NBPF19: variants seen among roughly 807,000 people sequenced by gnomAD.
The protein encoded by NBPF19 is NBPF family member NBPF19.
A neutral mutation model predicts 45.9 loss-of-function variants in NBPF19; 30 were observed. The observed-to-expected ratio is 0.65, with a 90% confidence interval of 0.49 to 0.89. The LOEUF (loss-of-function observed/expected upper bound fraction) is 0.89, where lower values mean the gene tolerates loss of function less well. Ranked by LOEUF, NBPF19 falls within the 40% of genes least tolerant of loss-of-function variation. The pLI is 0.00. For synonymous variants in NBPF19, 183 were observed against 181.2 expected, an observed-to-expected ratio of 1.01 and a Z score of -0.08; for missense variants, 495 against 471.8, an observed-to-expected ratio of 1.05 and a Z score of -0.46.
Position 149,488,136 on chromosome 1 carries a change from C to T in NBPF19, c.1164C>T (p.Ala388=), listed in dbSNP as rs1225395012. 5.9e-6 allele frequency: 4 copies of T among 678,060 alleles called. No homozygotes were observed. The highest frequency in any genetic ancestry group is 2.2e-5 in the Admixed American group (1 of 45,364). The allele number at this position is 678,060 out of a possible 1,614,324, so 42.0% of individuals were successfully genotyped here. A position where few individuals can be genotyped will look rare whatever the true frequency, so the allele number is the denominator to read the frequency against. ...LTDSCQPYRS[A]FYVLEQQRVG... is the part of the protein sequence containing the mutation. ...ACTCATGCCAGCCCTACAGAAGTGC[C>T]TTTTACGTATTGGAGCAACAGCGTG... The change falls in exon 10 of 94, where the codon GCC becomes GCT. Residue 388 remains alanine (A), a synonymous_variant. Coordinates refer to ENST00000651566, the MANE Select transcript of NBPF19 (RefSeq NM_001351365.2).
In NBPF19 at chr1:149,486,186, A is replaced by C. The variant is rs2085489901; in HGVS notation, c.881A>C (p.Tyr294Ser). 2.1e-6 allele frequency: 1 copy of C among 480,636 alleles called. No homozygotes were observed. The highest frequency in any genetic ancestry group is 3.5e-6 in the Non-Finnish European group (1 of 281,774). The allele number at this position is 480,636 out of a possible 1,614,324, so 29.8% of individuals were successfully genotyped here. The change falls in exon 8 of 94, where the codon TAT (tyrosine) becomes TCT (serine). Residue 294 changes from tyrosine to serine, a missense_variant. Coordinates refer to ENST00000651566, the MANE Select transcript of NBPF19 (RefSeq NM_001351365.2). ...CCCCAGGAGTCCTGGGATGAAGGTTATTCGACTCTCTCAATTCCTCCTGAA... is the reference window on the plus strand; with the variant it reads ...CCCCAGGAGTCCTGGGATGAAGGTTCTTCGACTCTCTCAATTCCTCCTGAA... ...EVPQESWDEGYSTLSIPPEML... is the reference protein window; with the variant it reads ...EVPQESWDEGSSTLSIPPEML...
intron 10 of NBPF19, 87 bp downstream of exon 10, chr1:149,488,272 T>G (rs2085738431): frequency 1.8e-6 from 1 of 568,218 alleles, no homozygotes; most frequent in Middle Eastern, 4.7e-4. Flanking sequence ...CTTACTGAGC[T>G]GAGAGATGTC....
Position 149,487,346 on chromosome 1 carries a change from C to G in NBPF19, c.1003C>G (p.Gln335Glu), listed in dbSNP as rs1487074770. ...TTTATTTGCAGGACATCGCTGGGATCAAGTGAAAAAGGAGGACCAAGAGGC... is the reference window on the plus strand; with the variant it reads ...TTTATTTGCAGGACATCGCTGGGATGAAGTGAAAAAGGAGGACCAAGAGGC... ...AVDIGRHRWD[Q>E]VKKEDQEATG... Residue 335 changes from glutamine (Q) to glutamate (E), a missense_variant, in exon 9 of 94, where the codon CAA becomes GAA. Coordinates refer to ENST00000651566, the MANE Select transcript of NBPF19 (RefSeq NM_001351365.2). The G allele has an allele frequency of 7.0e-6, 11 of 1,564,234 alleles. No homozygotes were observed. The African/African-American group carries it at 1.2e-4, about 17-fold the overall frequency.
rs1332446326 is a variant in NBPF19 at position 149,487,955 on chromosome 1, G to C, written c.1041-58G>C. The C allele has an allele frequency of 4.0e-5, 28 of 699,980 alleles. 1 individual carries two copies. The highest frequency in any genetic ancestry group is 7.9e-6 in the Non-Finnish European group (3 of 378,606). The allele number at this position is 699,980 out of a possible 1,614,324, so 43.4% of individuals were successfully genotyped here. On this transcript the variant is annotated intron_variant, in intron 9 of 93. Transcript: ENST00000651566. ...TTATGTTAGCCATGAAATCTAGCTG[G>C]GGCTGTGTGGTTTCTGATTCCCCCT...
rs2085490704 is a variant in NBPF19 at position 149,486,253 on chromosome 1, A to G, written c.948A>G (p.Ser316=). The G allele has an allele frequency of 1.8e-6, 1 of 564,592 alleles. No individual in the cohort carries two copies. 35.0% of individuals were successfully genotyped at this position (564,592 alleles called of 1,614,324 possible). ...AGTCTTACAGCAGCACATTTCACTC[A>G]TTAGAGGAACAGCAAGTCTGCATGG... The part of the protein sequence containing the change: ...SYQSYSSTFH[S]LEEQQVCMAV... Residue 316 remains serine (S), a synonymous_variant, in exon 8 of 94, where the codon TCA becomes TCG. Transcript: ENST00000651566.
intron 93 of NBPF19, among the ~76,000 whole-genome samples, chr1:149,554,275 C>G (rs1455224931): frequency 4.0e-5 from 6 of 151,898 alleles, no homozygotes; most frequent in Non-Finnish European, 7.4e-5. Context: ...TTCTCTCTGT[C>G]TCTGTCTCTG....
At chr1:149,553,958 G>C in intron 93 of NBPF19, 76 bp downstream of exon 93, 1 of 222,454 alleles carries the variant, frequency 4.5e-6, no homozygotes, top group African/African-American at 5.8e-5. Context: ...ACCAGAGTGT[G>C]TTTGATGTCA....
intron 3 of NBPF19, among the ~76,000 whole-genome samples, chr1:149,478,305 C>G (rs1348395083): frequency 6.6e-6 from 1 of 151,102 alleles, no homozygotes. Flanking sequence ...ACAAAATTCA[C>G]CAAAGGAGTG....
At chr1:149,490,782 C>T (rs2085812856) in intron 13 of NBPF19, among the ~76,000 whole-genome samples, 1 of 66,602 alleles carries the variant, frequency 1.5e-5, no homozygotes, top group Non-Finnish European at 2.7e-5. Flanking sequence ...TGAGCACAGT[C>T]TTTTCATGAT....
At chr1:149,479,795 C>G (rs1273963164) in intron 4 of NBPF19, among the ~76,000 whole-genome samples, 1 of 150,896 alleles carries the variant, frequency 6.6e-6, no homozygotes, top group Non-Finnish European at 1.5e-5. Flanking sequence ...GTTTGAAATG[C>G]AAACCGTGAC....
At position 149,475,144 on chromosome 1, in the gene NBPF19, A is replaced by G. The variant is rs1479463467; in HGVS notation, c.-687A>G. ...TAAGAAAGAGGAAATCAATCTAACA[A>G]TGGGATGCAGCAGCAAGAATACTGA... is the stretch of plus-strand genomic sequence containing the variant. On this transcript the variant is annotated 5_prime_UTR_variant, in exon 1 of 94. An upstream start codon of the reference 5' UTR is lost. Transcript: ENST00000651566. 2.7e-5 allele frequency among the ~76,000 whole-genome samples: 4 copies of G among 147,544 alleles called. No individual in the cohort carries two copies. The highest frequency in any genetic ancestry group is 1.0e-4 in the African/African-American group (4 of 40,172).
chr1:149,487,626 C>T (rs1159570517), intron 9 of NBPF19, among the ~76,000 whole-genome samples: 1 of 150,664 alleles, frequency 6.6e-6, no homozygotes, highest in East Asian at 2.0e-4. Flanking sequence ...CTCATGGTAA[C>T]TGCAGGGAAA....
intron 4 of NBPF19, among the ~76,000 whole-genome samples, chr1:149,479,728 T>G (rs1431062989): frequency 1.3e-5 from 2 of 150,006 alleles, no homozygotes; most frequent in African/African-American, 4.9e-5. Context: ...CTGTGCAGTC[T>G]CATGACGCAT....
At chr1:149,481,473 A>ATTTT (rs1190866284) in intron 6 of NBPF19, among the ~76,000 whole-genome samples, 11 of 66,752 alleles carry the variant, frequency 1.6e-4, no homozygotes, top group Non-Finnish European at 2.3e-4. Context: ...AGCATCGTGG[A>ATTTT]TTTTTTTTTT....
chr1:149,528,937 C>T (rs1316106031), intron 61 of NBPF19, among the ~76,000 whole-genome samples: 1 of 115,554 alleles, frequency 8.7e-6, no homozygotes, highest in East Asian at 2.5e-4. Context: ...TGAGCTCGTT[C>T]TCTCTCTCTG....
intron 8 of NBPF19, 55 bp from the exon 9 acceptor site, chr1:149,487,277 T>C (rs2085590331): frequency 1.5e-6 from 2 of 1,293,098 alleles, no homozygotes; most frequent in Non-Finnish European, 2.2e-6. Context: ...AGAGGAATGT[T>C]TCTGTGTGCA....
At chr1:149,486,550 A>G (rs2085515657) in intron 8 of NBPF19, among the ~76,000 whole-genome samples, 1 of 151,460 alleles carries the variant, frequency 6.6e-6, no homozygotes, top group Non-Finnish European at 1.5e-5. Flanking sequence ...ATTGAACTCA[A>G]GGCAGGTGTG....
chr1:149,487,335 A>G lies in NBPF19; in HGVS notation c.992A>G (p.His331Arg), dbSNP rs2085595918. ...GCCCATCTGAATTTATTTGCAGGAC[A>G]TCGCTGGGATCAAGTGAAAAAGGAG... ...QVCMAVDIGR[H>R]RWDQVKKEDQ... is the part of the protein sequence containing the mutation. The change falls in exon 9 of 94, where the codon CAT becomes CGT. Residue 331 changes from histidine (H) to arginine (R), a missense_variant. By Grantham distance (29) the His-to-Arg change is conservative (BLOSUM62 0). Coordinates refer to ENST00000651566, the MANE Select transcript of NBPF19 (RefSeq NM_001351365.2). 6.4e-7 allele frequency: 1 copy of G among 1,565,494 alleles called. No homozygotes were observed. Among genetic ancestry groups the G allele is most frequent in the Non-Finnish European group, 8.7e-7 (1 of 1,148,730 alleles).
At chr1:149,554,279 G>C (rs1177690979) in intron 93 of NBPF19, among the ~76,000 whole-genome samples, 1 of 151,760 alleles carries the variant, frequency 6.6e-6, no homozygotes, top group Admixed American at 6.6e-5. Flanking sequence ...CTCTGTCTCT[G>C]TCTCTGTCTC....
Sources: gnomAD v4.1 joint callset for allele counts (sites outside exome capture counted in the v4.1 genomes callset) on GRCh38, gnomAD v4.1.1 for gene constraint, MANE v1.5 for transcripts, NCBI Gene and HGNC (gene_info 2026-07-23, HGNC 2026-07-21) for gene names.